Variants in PZP observed in about 807,000 individuals in gnomAD.
The protein encoded by PZP is pregnancy zone protein.
Under a neutral mutation model 179.8 loss-of-function variants are expected in PZP, and 150 were observed. That is an observed-to-expected ratio of 0.83 (90% CI 0.73 to 0.96). PZP has a LOEUF of 0.96. Ranked by LOEUF, PZP falls within the 40% of genes least tolerant of loss-of-function variation. PZP has a pLI of 0.00. For missense variants in PZP, 1,689 were observed against 1,764.0 expected (o/e 0.96, Z 0.76); for synonymous variants, 624 against 652.3 (o/e 0.96, Z 0.66).
the PZP span, among the ~76,000 whole-genome samples, chr12:9,139,821 A>G: frequency 6.7e-6 from 1 of 149,632 alleles, no homozygotes; most frequent in Non-Finnish European, 1.5e-5. Flanking sequence ...TTTATTTTGG[A>G]GAATAAACCT....
the PZP span, among the ~76,000 whole-genome samples, chr12:9,137,032 A>G: frequency 6.6e-6 from 1 of 152,076 alleles, no homozygotes; most frequent in Non-Finnish European, 1.5e-5. Flanking sequence ...TTCCAGTTTG[A>G]CATAGTTCAA....
chr12:9,171,903 G>A (rs1942031077), intron 15 of PZP, among the ~76,000 whole-genome samples: 3 of 152,188 alleles, frequency 2.0e-5, no homozygotes, highest in Non-Finnish European at 4.4e-5. Context: ...ATGGAACCAA[G>A]TTGGAAAACA....
At chr12:9,202,968 G>A (rs1428591927) in intron 2 of PZP, among the ~76,000 whole-genome samples, 1 of 152,154 alleles carries the variant, frequency 6.6e-6, no homozygotes, top group African/African-American at 2.4e-5. Context: ...GCAATGGAGA[G>A]AAACATCTCT....
Position 9,160,371 on chromosome 12 carries a change from C to T in PZP, c.2992G>A (p.Glu998Lys), listed in dbSNP as rs947382072. ...PNIYVLNYLN[E>K]TQQLTQEIKA... ...ATCTCCTGCGTCAGCTGCTGGGTTT[C>T]ATTCAGATAGTTCAAGACATAGATG... The change falls in exon 24 of 36, where the codon GAA (glutamate) becomes AAA (lysine). Residue 998 changes from glutamate (E) to lysine (K), a missense_variant. Glu to Lys is a moderately conservative substitution (Grantham distance 56, BLOSUM62 1). This residue lies in a region of PZP where 746 missense variants were observed against 749.2 expected (regional missense o/e 1.00). Coordinates refer to ENST00000261336, the MANE Select transcript of PZP (RefSeq NM_002864.3). The T allele has an allele frequency of 6.2e-7, 1 of 1,614,188 alleles. No homozygotes were observed.
chr12:9,155,281 G>T (rs1311994100), intron 28 of PZP, among the ~76,000 whole-genome samples: 1 of 152,078 alleles, frequency 6.6e-6, no homozygotes, highest in Non-Finnish European at 1.5e-5. Context: ...TCTGTTTGTT[G>T]TACCTCTTTT....
intron 22 of PZP, 55 bp from the exon 23 acceptor site, chr12:9,161,171 T>G: frequency 7.3e-7 from 1 of 1,377,384 alleles, no homozygotes; most frequent in African/African-American, 1.5e-5. Flanking sequence ...ACAATATAAT[T>G]TAGTGATTAT....
At chr12:9,195,421 T>C (rs954337880) in intron 10 of PZP, among the ~76,000 whole-genome samples, 1 of 151,190 alleles carries the variant, frequency 6.6e-6, no homozygotes, top group African/African-American at 2.4e-5. Context: ...TTCCCCTTTT[T>C]CCTTCTTTTC....
Position 9,197,024 on chromosome 12 carries a change from T to C in PZP, c.855A>G (p.Glu285=), listed in dbSNP as rs1943816426. ...LNCDKQEVCE[E]FSQQLNSNGC... is the part of the protein sequence containing the mutation. ...ACCGCCTACTAACCTGTTGACTGAA[T>C]TCCTCACAGACCTCCTGCTTGTCAC... The change falls in exon 8 of 36, where the codon GAA becomes GAG. Residue 285 remains glutamate, a synonymous_variant. Coordinates refer to ENST00000261336, the MANE Select transcript of PZP (RefSeq NM_002864.3). The C allele has an allele frequency of 6.2e-7, 1 of 1,610,402 alleles. No individual in the cohort carries two copies. Among genetic ancestry groups the C allele is most frequent in the Admixed American group, 1.7e-5 (1 of 59,934 alleles).
chr12:9,188,493 A>T (rs188443446), intron 13 of PZP, among the ~76,000 whole-genome samples: 2 of 152,196 alleles, frequency 1.3e-5, no homozygotes, highest in Non-Finnish European at 2.9e-5. Flanking sequence ...CACCACTCCT[A>T]TTGAACACAG....
chr12:9,160,962 T>A, intron 23 of PZP, 71 bp downstream of exon 23: 1 of 1,237,694 alleles, frequency 8.1e-7, no homozygotes, highest in Non-Finnish European at 1.2e-6. Flanking sequence ...ATAATTCAAA[T>A]ACAAATACGT....
At position 9,174,960 on chromosome 12, in the gene PZP, A is replaced by C. The variant is rs796292002; in HGVS notation, c.1840-5369T>G. ...ATTCTTCACAGAATTAGAAAAATCTATTTTAAAATTCATATGGAACCAAAA... is the reference window on the plus strand; with the variant it reads ...ATTCTTCACAGAATTAGAAAAATCTCTTTTAAAATTCATATGGAACCAAAA... On this transcript the variant is annotated intron_variant, in intron 15 of 35. Transcript: ENST00000261336. Among the ~76,000 whole-genome samples, 8 of 152,188 alleles carry C rather than the reference A, an allele frequency of 5.3e-5. No individual in the cohort carries two copies. The South Asian group carries it at 1.2e-3, about 24-fold the overall frequency.
Position 9,157,338 on chromosome 12 carries a change from AT to A in PZP, c.3386del (p.Asn1129MetfsTer12). 2 of 1,613,424 alleles carry A rather than the reference AT, an allele frequency of 1.2e-6. No individual in the cohort carries two copies. The highest frequency in any genetic ancestry group is 1.7e-6 in the Non-Finnish European group (2 of 1,179,674). On this transcript the variant is annotated frameshift_variant, in exon 28 of 36. Transcript: ENST00000261336. LOFTEE classifies it high-confidence loss of function. ...PLPVTNPIVR[N>X]ALFCLESAWN... Reference sequence around the variant, plus strand: ...AGGCTGACTCCAGGCAGAACAGGGCATTGCGAACAATAGGGTTCTGTAAAGG... The same window carrying A: ...AGGCTGACTCCAGGCAGAACAGGGCATGCGAACAATAGGGTTCTGTAAAGG...
chr12:9,163,486 T>G (rs1941367247), intron 21 of PZP, among the ~76,000 whole-genome samples, 182 bp downstream of exon 21: 1 of 151,850 alleles, frequency 6.6e-6, no homozygotes, highest in African/African-American at 2.4e-5. Flanking sequence ...TCAAATAATT[T>G]GTGAAAAAAA....
At chr12:9,194,812 T>C (rs915421457) in intron 10 of PZP, among the ~76,000 whole-genome samples, 8 of 152,126 alleles carry the variant, frequency 5.3e-5, no homozygotes, top group Non-Finnish European at 1.2e-4. Context: ...TAATATGCAC[T>C]TGGAATAAGA....
In PZP at chr12:9,196,640, G is replaced by T. The variant is rs1252531008; in HGVS notation, c.913C>A (p.Leu305Ile). Residue 305 changes from leucine (L) to isoleucine (I), a missense_variant, in exon 9 of 36, where the codon CTC (leucine) becomes ATC (isoleucine). By Grantham distance (5) the Leu-to-Ile change is conservative (BLOSUM62 2). This residue lies in a region of PZP where 742 missense variants were observed against 730.5 expected (regional missense o/e 1.02). Coordinates refer to ENST00000261336, the MANE Select transcript of PZP (RefSeq NM_002864.3). ...CITQQVHTKM[L>I]QITNTGFEMK... ...TCAAAGCCCGTATTTGTAATCTGGAGCATTTTGGTGTGTACTTGTTGGGTG... is the reference window on the plus strand; with the variant it reads ...TCAAAGCCCGTATTTGTAATCTGGATCATTTTGGTGTGTACTTGTTGGGTG... 9 of 1,613,636 alleles carry T rather than the reference G, an allele frequency of 5.6e-6. No homozygotes were observed. The highest frequency in any genetic ancestry group is 7.6e-6 in the Non-Finnish European group (9 of 1,179,726).
rs1382675386 is a variant in PZP at position 9,160,972 on chromosome 12, TAGATAAG to T, written c.2872+54_2872+60del. The T allele has an allele frequency of 3.9e-6, 5 of 1,289,566 alleles. No homozygotes were observed. The African/African-American group carries it at 7.4e-5, about 19-fold the overall frequency. The allele number at this position is 1,289,566 out of a possible 1,614,324, so 79.9% of individuals were successfully genotyped here. A position where few individuals can be genotyped will look rare whatever the true frequency, so the allele number is the denominator to read the frequency against. On this transcript the variant is annotated intron_variant, in intron 23 of 35. Coordinates refer to ENST00000261336, the MANE Select transcript of PZP (RefSeq NM_002864.3). ...ACTTGATAATTCAAATACAAATACG[TAGATAAG>T]ATGTACAGTGGCAACTCTTTTGGCC... is the stretch of plus-strand genomic sequence containing the variant.
rs143009115 is a variant in PZP at position 9,153,984 on chromosome 12, G to A, written c.3774+632C>T. Among the ~76,000 whole-genome samples the A allele has an allele frequency of 2.4e-4, 37 of 152,308 alleles. No individual in the cohort carries two copies. In the East Asian group the frequency reaches 5.8e-3, roughly 24 times the overall value. On this transcript the variant is annotated intron_variant, in intron 29 of 35. Coordinates refer to ENST00000261336, the MANE Select transcript of PZP (RefSeq NM_002864.3). ...GATCAACTTAAAGAGAAAGTAAGAA[G>A]AGCACTCTCAGGGAAAGTAGAAAGG...
In PZP at chr12:9,163,680, G is replaced by T. The variant is rs763540382; in HGVS notation, c.2724C>A (p.Thr908=). The change falls in exon 21 of 36, where the codon ACC becomes ACA. Residue 908 remains threonine (T), a synonymous_variant. Coordinates refer to ENST00000261336, the MANE Select transcript of PZP (RefSeq NM_002864.3). ...AAAAATATGTTACCTCCACCAACAGGGTTTTGATGACTGTGTCTTTTCTTT... is the reference window on the plus strand; with the variant it reads ...AAAAATATGTTACCTCCACCAACAGTGTTTTGATGACTGTGTCTTTTCTTT... ...EIKRKDTVIK[T]LLVEAEGIEQ... is the part of the protein sequence containing the mutation. The T allele has an allele frequency of 1.9e-6, 3 of 1,613,606 alleles. No individual in the cohort carries two copies. The Admixed American group carries it at 5.0e-5, about 27-fold the overall frequency.
At chr12:9,192,884 A>G in intron 11 of PZP, 145 bp from the exon 12 acceptor site, 1 of 555,146 alleles carries the variant, frequency 1.8e-6, no homozygotes, top group South Asian at 3.0e-5. Context: ...CAAATAAATG[A>G]ATTTTCAGTC....
Sources: allele counts gnomAD v4.1 joint callset (sites outside exome capture counted in the v4.1 genomes callset), GRCh38; gene constraint gnomAD v4.1.1; regional missense constraint gnomAD v4.1.1; transcripts MANE v1.5; gene names NCBI Gene and HGNC (gene_info 2026-07-23, HGNC 2026-07-21).